Variants in SLC35F2 observed in about 807,000 individuals in gnomAD.
The protein encoded by SLC35F2 is solute carrier family 35 member F2, also known as queuine/queuosine transporter SLC35F2.
In SLC35F2, 25 loss-of-function variants were observed where a neutral mutation model predicts 38.1. The ratio of observed to expected loss-of-function variants is 0.66; its 90% confidence interval spans 0.48 to 0.92. SLC35F2 has a LOEUF of 0.92. Among genes scored for constraint, SLC35F2 ranks in the 40% least tolerant of loss-of-function variants. SLC35F2 has a pLI of 0.00. For missense variants in SLC35F2, 409 were observed against 452.9 expected (o/e 0.90, Z 0.88); for synonymous variants, 173 against 181.7 (o/e 0.95, Z 0.38).
At chr11:107,830,172 G>C (rs1266450150) in intron 1 of SLC35F2, among the ~76,000 whole-genome samples, 1 of 151,892 alleles carries the variant, frequency 6.6e-6, no homozygotes, top group Non-Finnish European at 1.5e-5. Flanking sequence ...TTAAAGAAAA[G>C]AAGCCTCTAT....
chr11:107,851,788 G>A (rs1016240857), intron 1 of SLC35F2, among the ~76,000 whole-genome samples: 10 of 152,084 alleles, frequency 6.6e-5, no homozygotes, highest in Non-Finnish European at 1.2e-4. Flanking sequence ...GTAAAAAGGG[G>A]GAAGGGAGAA....
intron 1 of SLC35F2, among the ~76,000 whole-genome samples, chr11:107,833,317 C>T (rs973141008): frequency 6.6e-6 from 1 of 151,910 alleles, no homozygotes; most frequent in African/African-American, 2.4e-5. Context: ...CTCAAGAGAT[C>T]AAGACCATCC....
At chr11:107,806,049 T>C (rs1484836134) in intron 4 of SLC35F2, among the ~76,000 whole-genome samples, 1 of 152,158 alleles carries the variant, frequency 6.6e-6, no homozygotes, top group Admixed American at 6.6e-5. Flanking sequence ...TTCCAAAATG[T>C]TGGGATTACA....
intron 7 of SLC35F2, among the ~76,000 whole-genome samples, chr11:107,799,590 CT>C (rs11421354): frequency 5.2e-4 from 79 of 151,846 alleles, no homozygotes; most frequent in Non-Finnish European, 1.8e-4. Context: ...ATTTATTTTA[CT>C]TTTTTTGTTT....
intron 7 of SLC35F2, among the ~76,000 whole-genome samples, chr11:107,796,585 G>A (rs1289897600): frequency 1.3e-5 from 2 of 152,186 alleles, no homozygotes; most frequent in Non-Finnish European, 2.9e-5. Context: ...TCAATCTTGT[G>A]GAGGTAGAGC....
rs1188863077 is a variant in SLC35F2, at chr11:107,803,230, C to T, written c.785-75G>A. 6 of 1,463,550 alleles carry T rather than the reference C, an allele frequency of 4.1e-6. No homozygotes were observed. The African/African-American group carries it at 8.7e-5, about 21-fold the overall frequency. 90.7% of individuals were successfully genotyped at this position (1,463,550 alleles called of 1,614,324 possible). A position where few individuals can be genotyped will look rare whatever the true frequency, so the allele number is the denominator to read the frequency against. On this transcript the variant is annotated intron_variant, in intron 6 of 7. Coordinates refer to ENST00000525815, the MANE Select transcript of SLC35F2 (RefSeq NM_017515.5). ...ACAAAGGAGTTTGAGGCTTAGCTGTCATATAAAACTCCCTAACCCTTTAAC... is the reference window on the plus strand; with the variant it reads ...ACAAAGGAGTTTGAGGCTTAGCTGTTATATAAAACTCCCTAACCCTTTAAC...
chr11:107,802,781 G>A (rs1859331178), intron 7 of SLC35F2, among the ~76,000 whole-genome samples: 2 of 152,274 alleles, frequency 1.3e-5, no homozygotes, highest in African/African-American at 4.8e-5. Flanking sequence ...TACCATCGAA[G>A]ATGAAATCCA....
intron 1 of SLC35F2, among the ~76,000 whole-genome samples, chr11:107,823,556 G>A (rs888769547): frequency 3.3e-5 from 5 of 152,088 alleles, no homozygotes; most frequent in African/African-American, 9.7e-5. Context: ...CCAAGTTCTC[G>A]CACTCTGCAC....
At chr11:107,852,444 G>T (rs192321752) in intron 1 of SLC35F2, among the ~76,000 whole-genome samples, 1 of 151,850 alleles carries the variant, frequency 6.6e-6, no homozygotes, top group African/African-American at 2.4e-5. Context: ...CCAGCTACTC[G>T]GGAGGCTGAG....
intron 1 of SLC35F2, among the ~76,000 whole-genome samples, chr11:107,852,237 G>A (rs966566446): frequency 1.3e-5 from 2 of 152,052 alleles, no homozygotes; most frequent in Non-Finnish European, 2.9e-5. Context: ...AGCCAACATG[G>A]TGAAACCTCA....
At chr11:107,851,800 A>C (rs1860191380) in intron 1 of SLC35F2, among the ~76,000 whole-genome samples, 1 of 152,146 alleles carries the variant, frequency 6.6e-6, no homozygotes, top group Non-Finnish European at 1.5e-5. Flanking sequence ...AAGGGAGAAG[A>C]ATTTATGGAG....
chr11:107,799,475 TCA>T (rs1859270570), intron 7 of SLC35F2, among the ~76,000 whole-genome samples: 1 of 152,222 alleles, frequency 6.6e-6, no homozygotes, highest in Non-Finnish European at 1.5e-5. Flanking sequence ...AGCCACGGCA[TCA>T]CAGAAAAACT....
At chr11:107,793,898 G>A (rs571093448) in intron 7 of SLC35F2, among the ~76,000 whole-genome samples, 1 of 151,870 alleles carries the variant, frequency 6.6e-6, no homozygotes. Flanking sequence ...CCCTTCCTAA[G>A]ACTGAAAACC....
At chr11:107,811,184 A>C in intron 3 of SLC35F2, 1 of 984,908 alleles carries the variant, frequency 1.0e-6, no homozygotes, top group Non-Finnish European at 1.2e-6. Context: ...CTTTCAATGC[A>C]GCAAGAATAA....
intron 3 of SLC35F2, chr11:107,810,608 T>C: frequency 2.0e-6 from 2 of 985,408 alleles, no homozygotes; most frequent in South Asian, 9.4e-5. Flanking sequence ...AGGTTCTTTT[T>C]GTGCCTCCTA....
chr11:107,858,631 G>C, intron 1 of SLC35F2, 27 bp downstream of exon 1: 1 of 1,269,644 alleles, frequency 7.9e-7, no homozygotes, highest in Non-Finnish European at 1.0e-6. Flanking sequence ...CGCCCCAGCG[G>C]AGCTGCAGCA....
intron 1 of SLC35F2, among the ~76,000 whole-genome samples, chr11:107,827,923 T>C (rs576592082): frequency 4.4e-4 from 67 of 151,974 alleles, no homozygotes; most frequent in African/African-American, 1.5e-3. Flanking sequence ...AATAAATAAA[T>C]TAATTAATTA....
chr11:107,792,859 C>T (rs1346894103), intron 7 of SLC35F2, 59 bp from the exon 8 acceptor site: 1 of 1,454,108 alleles, frequency 6.9e-7, no homozygotes, highest in African/African-American at 1.4e-5. Context: ...TTGCTGCTGG[C>T]TTTTGCCAAC....
chr11:107,794,112 GCT>G (rs1859180055), intron 7 of SLC35F2, among the ~76,000 whole-genome samples: 3 of 133,096 alleles, frequency 2.3e-5, no homozygotes, highest in African/African-American at 5.8e-5. Context: ...ACAGAGTTTT[GCT>G]CTGTCTCCCA....
Sources: gnomAD v4.1 joint callset for allele counts (sites outside exome capture counted in the v4.1 genomes callset) on GRCh38, gnomAD v4.1.1 for gene constraint, MANE v1.5 for transcripts, NCBI Gene and HGNC (gene_info 2026-07-23, HGNC 2026-07-21) for gene names.